Variants in PLCE1 observed in about 807,000 individuals in gnomAD.
The protein encoded by PLCE1 is 1-phosphatidylinositol 4,5-bisphosphate phosphodiesterase epsilon-1.
Under a neutral mutation model 242.8 loss-of-function variants are expected in PLCE1, and 119 were observed. The ratio of observed to expected loss-of-function variants is 0.49; its 90% CI spans 0.42 to 0.57. PLCE1 has a LOEUF of 0.57. PLCE1 is among the 20% of genes least tolerant of loss of function. The pLI is 0.00. For synonymous variants in PLCE1, 945 were observed against 1,017.4 expected, an observed-to-expected ratio of 0.93 and a Z score of 1.35; for missense variants, 2,441 against 2,788.8, an observed-to-expected ratio of 0.88 and a Z score of 2.81.
chr10:94,298,155 G>A lies in PLCE1; in HGVS notation c.5168-224G>A, dbSNP rs9420635. On this transcript the variant is annotated intron_variant, in intron 23 of 32. Transcript: ENST00000371380. This position sits in a 1 kb window ranked among gnomAD's most constrained non-coding sequence, Gnocchi z 5.2. The stretch of plus-strand genomic sequence containing the variant: ...CCACCCTGACCTCCCAAAGTGCTGG[G>A]ATTATAGGAATGAGCCACCACACCC... Among the ~76,000 whole-genome samples the A allele has an allele frequency of 2.1e-3, 320 of 152,094 alleles. No individual in the cohort carries two copies. Among genetic ancestry groups the A allele is most frequent in the African/African-American group, 7.4e-3 (309 of 41,482 alleles).
intron 2 of PLCE1, among the ~76,000 whole-genome samples, chr10:94,034,883 T>G (rs12779118): frequency 1.3e-5 from 2 of 152,306 alleles, no homozygotes; most frequent in South Asian, 4.1e-4. Context: ...TGCCTTTCCC[T>G]AAAAAAGACA....
chr10:94,184,365 G>GT (rs1313325711), intron 4 of PLCE1, among the ~76,000 whole-genome samples: 1 of 152,130 alleles, frequency 6.6e-6, no homozygotes, highest in Non-Finnish European at 1.5e-5. Flanking sequence ...TTTTGCCCTT[G>GT]TTGCCCAGGC....
chr10:94,116,948 C>G (rs1460136078), intron 2 of PLCE1, among the ~76,000 whole-genome samples: 3 of 152,150 alleles, frequency 2.0e-5, no homozygotes, highest in African/African-American at 7.2e-5. Flanking sequence ...TGACTTCCCA[C>G]AGTCTGTTTT....
At chr10:94,094,637 A>G (rs1277308681) in intron 2 of PLCE1, 3 of 152,240 alleles carry the variant, frequency 2.0e-5, no homozygotes, top group African/African-American at 7.2e-5. Flanking sequence ...GACCAGAGGG[A>G]GGAAACCCTG....
Position 94,011,646 on chromosome 10 carries a change from TG to T in PLCE1, c.-365+17391del, listed in dbSNP as rs1051041046. The stretch of plus-strand genomic sequence containing the variant: ...CTGGAGTGATTTATCTGGGGACGGG[TG>T]GGTTGGATTTGAAAACATTTTTCTT... On this transcript the variant is annotated intron_variant, in intron 1 of 32. Coordinates refer to ENST00000371380, the MANE Select transcript of PLCE1 (RefSeq NM_016341.4). Among the ~76,000 whole-genome samples the T allele has an allele frequency of 1.4e-4, 21 of 152,280 alleles. No individual in the cohort carries two copies. In the Middle Eastern group the frequency reaches 0.014, roughly 99 times the overall value.
At chr10:94,240,607 T>A (rs2050471867) in intron 7 of PLCE1, among the ~76,000 whole-genome samples, 1 of 152,138 alleles carries the variant, frequency 6.6e-6, no homozygotes, top group Non-Finnish European at 1.5e-5. Flanking sequence ...GTAATTCATG[T>A]TCAAGGGATT....
chr10:94,218,867 T>C (rs1441975798), intron 4 of PLCE1, among the ~76,000 whole-genome samples: 3 of 142,624 alleles, frequency 2.1e-5, no homozygotes, highest in African/African-American at 7.8e-5. Context: ...CATACTTTTA[T>C]ATATAATTAT....
At position 94,330,885 on chromosome 10, in the gene PLCE1, C is replaced by G. The variant is rs990283803; in HGVS notation, c.*2942C>G. ...CATTACCATTTCACACTTTTTAGGC[C>G]ACCAGAAATCTGGGTAGCAAACTCT... On this transcript the variant is annotated 3_prime_UTR_variant, in exon 33 of 33. Coordinates refer to ENST00000371380, the MANE Select transcript of PLCE1 (RefSeq NM_016341.4). 2.6e-5 allele frequency: 4 copies of G among 152,166 alleles called. No homozygotes were observed. Among genetic ancestry groups the G allele is most frequent in the Admixed American group, 2.6e-4 (4 of 15,274 alleles). The allele number at this position is 152,166 out of a possible 1,614,324, so 9.4% of individuals were successfully genotyped here.
intron 4 of PLCE1, among the ~76,000 whole-genome samples, chr10:94,189,733 G>T (rs966413300): frequency 1.3e-5 from 2 of 152,160 alleles, no homozygotes; most frequent in African/African-American, 4.8e-5. Flanking sequence ...TTCACATAGG[G>T]AGGCTGAAGG....
At chr10:94,106,254 A>G (rs2045729637) in intron 2 of PLCE1, 1 of 152,246 alleles carries the variant, frequency 6.6e-6, no homozygotes, top group Non-Finnish European at 1.5e-5. Context: ...GTTAACTAGT[A>G]TATTTACATA....
rs147024020 is a variant in PLCE1 at position 94,069,282 on chromosome 10, T to C, written c.1206+37030T>C. ...CAAAATATAGGTTCAATTCATGGAA[T>C]TGAGGTCAAGATCCAAAGCAGAAAC... On this transcript the variant is annotated intron_variant, in intron 2 of 32. Transcript: ENST00000371380. Among the ~76,000 whole-genome samples, 809 of 152,242 alleles carry C rather than the reference T, an allele frequency of 5.3e-3. 7 individuals carry two copies. Among genetic ancestry groups the C allele is most frequent in the African/African-American group, 0.018 (760 of 41,550 alleles).
chr10:94,039,955 G>A (rs2061734207), intron 2 of PLCE1, among the ~76,000 whole-genome samples: 1 of 152,156 alleles, frequency 6.6e-6, no homozygotes, highest in Non-Finnish European at 1.5e-5. Flanking sequence ...TTGCAAAATA[G>A]ATTTAGATAT....
chr10:94,257,081 T>A (rs1383742403), intron 11 of PLCE1, among the ~76,000 whole-genome samples: 2 of 152,288 alleles, frequency 1.3e-5, no homozygotes, highest in Middle Eastern at 3.4e-3. Context: ...ATCGACAACC[T>A]ACAACCTATG....
chr10:94,103,133 T>C (rs2045599703), intron 2 of PLCE1, among the ~76,000 whole-genome samples: 1 of 152,212 alleles, frequency 6.6e-6, no homozygotes, highest in Non-Finnish European at 1.5e-5. Flanking sequence ...ATGAATCTAC[T>C]GTTTATTAGG....
chr10:94,156,432 A>G (rs1444094647), intron 3 of PLCE1, among the ~76,000 whole-genome samples: 2 of 152,184 alleles, frequency 1.3e-5, no homozygotes, highest in African/African-American at 4.8e-5. Flanking sequence ...GGGCTCACAG[A>G]ACTCAGGGAA....
At chr10:94,326,759 G>A (rs2054030541) in intron 32 of PLCE1, among the ~76,000 whole-genome samples, 1 of 152,232 alleles carries the variant, frequency 6.6e-6, no homozygotes, top group Admixed American at 6.5e-5. Flanking sequence ...CCTGTAGCAA[G>A]TAGATATTTA....
intron 1 of PLCE1, among the ~76,000 whole-genome samples, chr10:93,996,620 T>C (rs2060829025): frequency 6.6e-6 from 1 of 152,228 alleles, no homozygotes; most frequent in African/African-American, 2.4e-5. Context: ...CTCTCTAGCA[T>C]CATGTGTTCC....
intron 20 of PLCE1, among the ~76,000 whole-genome samples, chr10:94,280,849 A>C (rs1167341087): frequency 6.6e-6 from 1 of 152,210 alleles, no homozygotes; most frequent in Non-Finnish European, 1.5e-5. Flanking sequence ...AGTTGTCTCC[A>C]GTCATAGTTC....
intron 27 of PLCE1, among the ~76,000 whole-genome samples, chr10:94,309,564 G>T (rs1010651461): frequency 6.6e-6 from 1 of 152,018 alleles, no homozygotes; most frequent in African/African-American, 2.4e-5. Context: ...GGACTCAAGC[G>T]ATCCTCATGC....
Sources: gnomAD v4.1 joint callset for allele counts (sites outside exome capture counted in the v4.1 genomes callset) on GRCh38, gnomAD v4.1.1 for gene constraint, Gnocchi (gnomAD v3.1) non-coding constraint, MANE v1.5 for transcripts, NCBI Gene and HGNC (gene_info 2026-07-23, HGNC 2026-07-21) for gene names.